Variants in CTNNA3 observed in about 807,000 individuals in gnomAD.
CTNNA3 encodes catenin alpha-3.
Under a neutral mutation model 95.7 loss-of-function variants are expected in CTNNA3, and 76 were observed. That is an observed-to-expected ratio of 0.79 (90% confidence interval 0.66 to 0.96). CTNNA3 has a LOEUF of 0.96. Ranked by LOEUF, CTNNA3 falls within the 40% of genes least tolerant of loss-of-function variation. CTNNA3 has a pLI of 0.00. For missense variants in CTNNA3, 1,191 were observed against 1,089.8 expected (o/e 1.09, Z -1.31); for synonymous variants, 431 against 374.4 (o/e 1.15, Z -1.74).
intron 10 of CTNNA3, among the ~76,000 whole-genome samples, chr10:66,536,404 C>G (rs994136170): frequency 6.6e-6 from 1 of 151,340 alleles, no homozygotes; most frequent in Non-Finnish European, 1.5e-5. Context: ...GTCGCTTGAA[C>G]CCCGGAGGCA....
intron 12 of CTNNA3, among the ~76,000 whole-genome samples, chr10:66,374,257 TA>T (rs1189834611): frequency 2.6e-5 from 4 of 152,106 alleles, no homozygotes; most frequent in Non-Finnish European, 4.4e-5. Context: ...CAAAGTGAAA[TA>T]AACATTAACT....
At chr10:66,610,471 G>A (rs1190084686) in intron 10 of CTNNA3, among the ~76,000 whole-genome samples, 1 of 151,976 alleles carries the variant, frequency 6.6e-6, no homozygotes, top group Non-Finnish European at 1.5e-5. Context: ...ATTTAGACAT[G>A]TTGGGGAAAA....
chr10:67,075,141 G>A (rs1856680138), intron 7 of CTNNA3, among the ~76,000 whole-genome samples: 1 of 148,734 alleles, frequency 6.7e-6, no homozygotes, highest in South Asian at 2.1e-4. Context: ...TACAAATTTG[G>A]TTGTTTTGTG....
At chr10:66,005,130 A>G (rs1473935115) in intron 15 of CTNNA3, among the ~76,000 whole-genome samples, 1 of 152,236 alleles carries the variant, frequency 6.6e-6, no homozygotes, top group East Asian at 1.9e-4. Context: ...TGCTTCTGTT[A>G]TCACACTTAT....
chr10:66,188,593 C>CTGAGTG, intron 13 of CTNNA3, among the ~76,000 whole-genome samples: 1 of 104,644 alleles, frequency 9.6e-6, no homozygotes, highest in South Asian at 2.9e-4. Flanking sequence ...GAGGGGGGGT[C>CTGAGTG]TCTGTGTGTG....
intron 1 of CTNNA3, among the ~76,000 whole-genome samples, chr10:67,669,277 C>T (rs1321153948): frequency 1.3e-5 from 2 of 152,078 alleles, no homozygotes; most frequent in African/African-American, 4.8e-5. Flanking sequence ...AGTTATGTCC[C>T]ATGAGCAACT....
At chr10:66,306,047 C>T (rs1193512146) in intron 12 of CTNNA3, among the ~76,000 whole-genome samples, 3 of 152,138 alleles carry the variant, frequency 2.0e-5, no homozygotes, top group Non-Finnish European at 4.4e-5. Flanking sequence ...CAAAGATTAT[C>T]ACATAATCCC....
At chr10:65,968,692 T>C (rs1388054671) in intron 16 of CTNNA3, among the ~76,000 whole-genome samples, 1 of 152,196 alleles carries the variant, frequency 6.6e-6, no homozygotes, top group African/African-American at 2.4e-5. Context: ...GATCCAGGTA[T>C]GTAGAGGAGC....
intron 5 of CTNNA3, among the ~76,000 whole-genome samples, chr10:67,371,552 C>T (rs564617810): frequency 2.0e-5 from 3 of 152,232 alleles, no homozygotes; most frequent in Admixed American, 6.5e-5. Context: ...CTGCAAAGGA[C>T]ATGAACTCAT....
chr10:67,474,464 C>T (rs1847933615), intron 5 of CTNNA3, among the ~76,000 whole-genome samples: 1 of 152,040 alleles, frequency 6.6e-6, no homozygotes, highest in African/African-American at 2.4e-5. Context: ...TGGAAGAAAC[C>T]AAACTTGTTG....
At chr10:67,751,022 G>C in intron 1 of CTNNA3, 2 of 1,548,072 alleles carry the variant, frequency 1.3e-6, no homozygotes, top group Non-Finnish European at 1.8e-6. Context: ...CCACAGCCCA[G>C]GTTCTGATCC....
chr10:67,270,862 C>T (rs1441396226), intron 5 of CTNNA3, among the ~76,000 whole-genome samples: 2 of 152,044 alleles, frequency 1.3e-5, no homozygotes, highest in Admixed American at 1.3e-4. Flanking sequence ...ATTCTTAAGT[C>T]CCCACATGGT....
chr10:66,717,427 G>A (rs1186747858), intron 9 of CTNNA3, among the ~76,000 whole-genome samples: 1 of 152,106 alleles, frequency 6.6e-6, no homozygotes, highest in Non-Finnish European at 1.5e-5. Context: ...ATAATCATAG[G>A]TTTCAAAGTC....
intron 3 of CTNNA3, among the ~76,000 whole-genome samples, chr10:67,556,956 C>T (rs1178631330): frequency 1.3e-5 from 2 of 152,182 alleles, no homozygotes; most frequent in Admixed American, 6.5e-5. Context: ...TATGCTGTGT[C>T]TTTGTTCTCA....
At chr10:66,551,804 T>A (rs1404997728) in intron 10 of CTNNA3, among the ~76,000 whole-genome samples, 1 of 152,040 alleles carries the variant, frequency 6.6e-6, no homozygotes, top group Non-Finnish European at 1.5e-5. Flanking sequence ...AGGTTTGATG[T>A]ACTGTTTTGG....
intron 2 of CTNNA3, among the ~76,000 whole-genome samples, chr10:67,637,126 A>G (rs1166300294): frequency 6.6e-6 from 1 of 152,092 alleles, no homozygotes; most frequent in Non-Finnish European, 1.5e-5. Context: ...AAAAAGATTA[A>G]ACGAATGGCT....
intron 10 of CTNNA3, among the ~76,000 whole-genome samples, chr10:66,603,091 C>A (rs1329280228): frequency 6.6e-6 from 1 of 151,924 alleles, no homozygotes; most frequent in Non-Finnish European, 1.5e-5. Flanking sequence ...GTTCTAGTCA[C>A]GGCAACTAGG....
At chr10:65,979,702 C>T (rs1268945591) in intron 16 of CTNNA3, among the ~76,000 whole-genome samples, 2 of 151,930 alleles carry the variant, frequency 1.3e-5, no homozygotes, top group African/African-American at 4.8e-5. Flanking sequence ...AATAGATAAT[C>T]ACCCTAGGAG....
chr10:67,151,995 T>A (rs776835683), intron 7 of CTNNA3, among the ~76,000 whole-genome samples: 5 of 152,234 alleles, frequency 3.3e-5, no homozygotes, highest in African/African-American at 1.2e-4. Flanking sequence ...TAGTTGACAA[T>A]TGTTGTTTTC....
Sources: gnomAD v4.1 joint callset for allele counts (sites outside exome capture counted in the v4.1 genomes callset) on GRCh38, gnomAD v4.1.1 for gene constraint, MANE v1.5 for transcripts, NCBI Gene and HGNC (gene_info 2026-07-23, HGNC 2026-07-21) for gene names.